The following RAB5C variants were observed in gnomAD, a reference collection of about 807,000 sequenced individuals.
RAB5C encodes ras-related protein Rab-5C.
In RAB5C, 4 loss-of-function variants were observed where a neutral mutation model predicts 25.2. That is an observed-to-expected ratio of 0.16 (90% CI 0.08 to 0.36). RAB5C has a LOEUF of 0.36. Ranked by LOEUF, RAB5C falls within the 10% of genes least tolerant of loss-of-function variation. RAB5C has a pLI of 1.00. For missense variants in RAB5C, 199 were observed against 283.8 expected (o/e 0.70, Z 2.15); for synonymous variants, 100 against 106.4 (o/e 0.94, Z 0.37).
intron 1 of RAB5C, chr17:42,138,013 C>T (rs2054555549): frequency 1.3e-5 from 2 of 152,164 alleles, no homozygotes; most frequent in South Asian, 4.1e-4. Context: ...AATAAGATTC[C>T]CACATATATA....
At chr17:42,137,650 A>C (rs533980640) in intron 1 of RAB5C, 1 of 152,322 alleles carries the variant, frequency 6.6e-6, no homozygotes, top group African/African-American at 2.4e-5. Context: ...GCGCTTTGGG[A>C]GGCTGAGGCG....
Position 42,128,730 on chromosome 17 carries a change from TC to T in RAB5C, c.236del (p.Gly79AspfsTer38). The T allele has an allele frequency of 6.3e-7, 1 of 1,587,270 alleles. No individual in the cohort carries two copies. The highest frequency in any genetic ancestry group is 8.6e-7 in the Non-Finnish European group (1 of 1,167,492). ...GGGCCAGGCTGTGATACCGCTCCTGTCCAGCTGTGTCCCAGATCTCAAACTT... is the reference window on the plus strand; with the variant it reads ...GGGCCAGGCTGTGATACCGCTCCTGTCAGCTGTGTCCCAGATCTCAAACTT... ...TVKFEIWDTA[G>X]QERYHSLAPM... On this transcript the variant is annotated frameshift_variant, in exon 3 of 6. Coordinates refer to ENST00000346213, the MANE Select transcript of RAB5C (RefSeq NM_004583.4). LOFTEE classifies it high-confidence loss of function.
chr17:42,151,643 C>T (rs2079672350), intron 1 of RAB5C, among the ~76,000 whole-genome samples: 1 of 152,156 alleles, frequency 6.6e-6, no homozygotes, highest in Admixed American at 6.6e-5. Flanking sequence ...TCCCCCTTAA[C>T]CCTGCCCAGT....
At chr17:42,142,324 C>A (rs896728612) in intron 1 of RAB5C, among the ~76,000 whole-genome samples, 1 of 152,088 alleles carries the variant, frequency 6.6e-6, no homozygotes, top group African/African-American at 2.4e-5. Flanking sequence ...CATGAGCCAC[C>A]GCGCCCAGCC....
intron 1 of RAB5C, chr17:42,131,593 T>G (rs2054486741): frequency 1.3e-6 from 2 of 1,531,718 alleles, no homozygotes; most frequent in Non-Finnish European, 1.7e-6. Context: ...AACTTTCCCT[T>G]TTTCAATAGA....
chr17:42,149,957 C>T (rs1051262412), intron 1 of RAB5C, among the ~76,000 whole-genome samples: 15 of 149,746 alleles, frequency 1.0e-4, no homozygotes, highest in Non-Finnish European at 1.9e-4. Context: ...CGGCTCACTG[C>T]AACGTCCACC....
intron 1 of RAB5C, among the ~76,000 whole-genome samples, chr17:42,140,916 C>G (rs962143780): frequency 6.6e-6 from 1 of 152,090 alleles, no homozygotes; most frequent in African/African-American, 2.4e-5. Flanking sequence ...GCTACCTTGA[C>G]TTCCTGGGCT....
At chr17:42,127,609 T>A (rs1321233813) in intron 4 of RAB5C, among the ~76,000 whole-genome samples, 2 of 151,394 alleles carry the variant, frequency 1.3e-5, no homozygotes, top group African/African-American at 4.9e-5. Flanking sequence ...AGTGGCACGA[T>A]CACTGCTCAC....
chr17:42,145,219 C>A (rs908577132), intron 1 of RAB5C, among the ~76,000 whole-genome samples: 4 of 152,058 alleles, frequency 2.6e-5, no homozygotes, highest in African/African-American at 9.7e-5. Context: ...CATGTAGCTA[C>A]TCCGCCCTCA....
At chr17:42,151,886 TGAG>T (rs1230375407) in intron 1 of RAB5C, among the ~76,000 whole-genome samples, 1 of 152,004 alleles carries the variant, frequency 6.6e-6, no homozygotes, top group Admixed American at 6.6e-5. Context: ...GCGCTAGTGA[TGAG>T]GAGGGCTAAA....
intron 1 of RAB5C, among the ~76,000 whole-genome samples, chr17:42,147,523 G>T (rs2079645068): frequency 6.6e-6 from 1 of 152,226 alleles, no homozygotes; most frequent in African/African-American, 2.4e-5. Flanking sequence ...ACTGTGGCTA[G>T]TCAGGGCCGC....
chr17:42,131,073 A>G (rs1195600039), intron 1 of RAB5C, among the ~76,000 whole-genome samples: 2 of 152,198 alleles, frequency 1.3e-5, no homozygotes, highest in Non-Finnish European at 2.9e-5. Flanking sequence ...CAGGGGCCCA[A>G]GAGGTCCTGG....
At chr17:42,129,937 C>A (rs2054467844) in intron 2 of RAB5C, among the ~76,000 whole-genome samples, 1 of 152,222 alleles carries the variant, frequency 6.6e-6, no homozygotes, top group Non-Finnish European at 1.5e-5. Context: ...CCAGCTCCGA[C>A]TCACCAGGCT....
At chr17:42,134,136 G>C (rs2054513127) in intron 1 of RAB5C, among the ~76,000 whole-genome samples, 2 of 152,062 alleles carry the variant, frequency 1.3e-5, no homozygotes, top group South Asian at 4.1e-4. Flanking sequence ...TCTAAGCCAG[G>C]GGAAGGCCAG....
intron 5 of RAB5C, 22 bp downstream of exon 5, chr17:42,126,733 G>A (rs199665803): frequency 1.3e-6 from 2 of 1,553,118 alleles, no homozygotes; most frequent in Admixed American, 3.3e-5. Context: ...GTGGAGAGAG[G>A]AGGGGAGGAG....
At chr17:42,137,671 G>A (rs965002994) in intron 1 of RAB5C, 4 of 152,106 alleles carry the variant, frequency 2.6e-5, no homozygotes, top group Non-Finnish European at 5.9e-5. Flanking sequence ...GGTGGATCAT[G>A]AGGTCAAGAG....
Position 42,125,517 on chromosome 17 carries a change from G to A in RAB5C, c.*266C>T. On this transcript the variant is annotated 3_prime_UTR_variant, in exon 6 of 6. Coordinates refer to ENST00000346213, the MANE Select transcript of RAB5C (RefSeq NM_004583.4). The stretch of plus-strand genomic sequence containing the variant: ...AGCAAGGGAAAATGGGAGAGCAGTA[G>A]AAAGGGGAGGAAGTGGGAAGAGCAG... 1 of 403,532 alleles carries A rather than the reference G, an allele frequency of 2.5e-6. No homozygotes were observed. The highest frequency in any genetic ancestry group is 3.1e-5 in the South Asian group (1 of 31,828). 25.0% of individuals were successfully genotyped at this position (403,532 alleles called of 1,614,324 possible). A position where few individuals can be genotyped will look rare whatever the true frequency, so the allele number is the denominator to read the frequency against.
chr17:42,147,769 T>C (rs904269235), intron 1 of RAB5C, among the ~76,000 whole-genome samples: 3 of 152,028 alleles, frequency 2.0e-5, no homozygotes, highest in Admixed American at 2.0e-4. Context: ...ACATCCAAAG[T>C]GTGTGAAGAA....
chr17:42,130,640 G>A (rs769615412), intron 1 of RAB5C, 50 bp from the exon 2 acceptor site: 38 of 1,465,054 alleles, frequency 2.6e-5, no homozygotes, highest in African/African-American at 4.2e-5. Flanking sequence ...GCCGTCACCC[G>A]CTGTGTCCTT....
Sources: gnomAD v4.1 joint callset for allele counts (sites outside exome capture counted in the v4.1 genomes callset) on GRCh38, gnomAD v4.1.1 for gene constraint, MANE v1.5 for transcripts, NCBI Gene and HGNC (gene_info 2026-07-23, HGNC 2026-07-21) for gene names.